The following OPCML variants were observed in gnomAD, a reference collection of about 807,000 sequenced individuals.
OPCML encodes the protein opioid-binding protein/cell adhesion molecule.
Under a neutral mutation model 37.8 loss-of-function variants are expected in OPCML, and 13 were observed. The observed-to-expected ratio is 0.34, with a 90% CI of 0.22 to 0.55. The LOEUF (loss-of-function observed/expected upper bound fraction) is 0.55, where lower values mean the gene tolerates loss of function less well. Ranked by LOEUF, OPCML falls within the 20% of genes least tolerant of loss-of-function variation. OPCML has a pLI of 0.91. For synonymous variants in OPCML, 176 were observed against 168.8 expected, an observed-to-expected ratio of 1.04 and a Z score of -0.33; for missense variants, 341 against 435.6, an observed-to-expected ratio of 0.78 and a Z score of 1.93.
At chr11:133,387,257 G>C (rs1454870541) in intron 1 of OPCML, among the ~76,000 whole-genome samples, 1 of 152,142 alleles carries the variant, frequency 6.6e-6, no homozygotes, top group Non-Finnish European at 1.5e-5. Flanking sequence ...CAATTAACCG[G>C]TAAGTGGTCC....
At chr11:133,406,961 G>A (rs1945540394) in intron 1 of OPCML, among the ~76,000 whole-genome samples, 1 of 152,182 alleles carries the variant, frequency 6.6e-6, no homozygotes, top group South Asian at 2.1e-4. Context: ...AAGACAACCT[G>A]GAAAGTCTGG....
chr11:133,311,455 T>A (rs1226016975), intron 1 of OPCML, among the ~76,000 whole-genome samples: 2 of 152,094 alleles, frequency 1.3e-5, no homozygotes, highest in East Asian at 3.9e-4. Flanking sequence ...AGTGGTGAGG[T>A]CTTAGGATTC....
Position 132,715,663 on chromosome 11 carries a change from C to T in OPCML, c.147-58344G>A, listed in dbSNP as rs1944444555. 5.3e-5 allele frequency among the ~76,000 whole-genome samples: 8 copies of T among 152,220 alleles called. No homozygotes were observed. In the South Asian group the frequency reaches 1.7e-3, roughly 32 times the overall value. On this transcript the variant is annotated intron_variant, in intron 2 of 7. Transcript: ENST00000524381. ...GAGGTTACAATGAGAAGATGGCCGT[C>T]TGCAACCTGGAAGGGTGTCCTCAAG...
At chr11:133,075,761 T>A (rs1000178978) in intron 1 of OPCML, among the ~76,000 whole-genome samples, 1 of 152,210 alleles carries the variant, frequency 6.6e-6, no homozygotes. Flanking sequence ...CTTGGGGAGC[T>A]GCACACAGAG....
At chr11:133,277,352 A>T (rs1942022880) in intron 1 of OPCML, among the ~76,000 whole-genome samples, 1 of 152,220 alleles carries the variant, frequency 6.6e-6, no homozygotes, top group South Asian at 2.1e-4. Flanking sequence ...TGAGAGTCAA[A>T]CATTTTATAG....
intron 1 of OPCML, among the ~76,000 whole-genome samples, chr11:133,162,738 T>C (rs78642308): frequency 6.7e-5 from 10 of 149,432 alleles, no homozygotes; most frequent in South Asian, 2.1e-4. Flanking sequence ...GAGGCTAGCG[T>C]GTTTCCCCTT....
intron 2 of OPCML, among the ~76,000 whole-genome samples, chr11:132,701,793 T>TG (rs1405459125): frequency 6.9e-5 from 8 of 116,018 alleles, no homozygotes; most frequent in South Asian, 2.6e-4. Context: ...TGTGTGTGTG[T>TG]GTGGTGGTGG....
chr11:133,286,099 C>T (rs1333622228), intron 1 of OPCML, among the ~76,000 whole-genome samples: 1 of 152,160 alleles, frequency 6.6e-6, no homozygotes, highest in Non-Finnish European at 1.5e-5. Context: ...GAACCAGCCT[C>T]CTTCTGCCCC....
rs548864097 is a variant in OPCML at position 132,862,678 on chromosome 11, C to T, written c.146+80248G>A. Among the ~76,000 whole-genome samples, 8 of 152,228 alleles carry T rather than the reference C, an allele frequency of 5.3e-5. No individual in the cohort carries two copies. The East Asian group carries it at 1.4e-3, about 26-fold the overall frequency. ...CTGGGGAGATATTTCGGACGTGGCA[C>T]TACTGTCACTTCAAAGCATGCTAAT... On this transcript the variant is annotated intron_variant, in intron 2 of 7. Coordinates refer to ENST00000524381, the MANE Select transcript of OPCML (RefSeq NM_001012393.5).
At chr11:132,458,682 T>A (rs1032125163) in intron 4 of OPCML, among the ~76,000 whole-genome samples, 2 of 152,188 alleles carry the variant, frequency 1.3e-5, no homozygotes, top group Non-Finnish European at 2.9e-5. Context: ...CCCATTACAT[T>A]TTAACGTAAG....
intron 4 of OPCML, among the ~76,000 whole-genome samples, chr11:132,439,108 C>T (rs2096023121): frequency 1.3e-5 from 2 of 152,172 alleles, no homozygotes; most frequent in Admixed American, 1.3e-4. Flanking sequence ...CCTGGCTACC[C>T]TCCTCAAACC....
intron 1 of OPCML, among the ~76,000 whole-genome samples, chr11:133,319,990 T>C (rs1428158520): frequency 2.0e-5 from 3 of 152,228 alleles, no homozygotes; most frequent in Non-Finnish European, 1.5e-5. Context: ...AGGAAATGCA[T>C]TGTAGAAACT....
At chr11:132,463,333 G>A (rs569297192) in intron 4 of OPCML, among the ~76,000 whole-genome samples, 19 of 152,158 alleles carry the variant, frequency 1.2e-4, no homozygotes, top group Non-Finnish European at 2.8e-4. Context: ...TCAGATGAAA[G>A]GGCTGAGTTC....
At chr11:133,333,101 C>T (rs575305532) in intron 1 of OPCML, among the ~76,000 whole-genome samples, 20 of 152,046 alleles carry the variant, frequency 1.3e-4, no homozygotes, top group African/African-American at 3.9e-4. Context: ...TTTTGTTACC[C>T]GGGTTGGAGT....
At chr11:133,314,220 G>A (rs763943393) in intron 1 of OPCML, among the ~76,000 whole-genome samples, 135 of 107,022 alleles carry the variant, frequency 1.3e-3, no homozygotes, top group African/African-American at 4.5e-3. Flanking sequence ...GGGCTACAGC[G>A]AGACTCCGTC....
intron 1 of OPCML, chr11:133,008,559 C>A (rs1025581790): frequency 2.1e-6 from 1 of 474,276 alleles, no homozygotes; most frequent in African/African-American, 2.1e-5. Flanking sequence ...CTGGGAACTG[C>A]CCTCAGTGGA....
intron 1 of OPCML, among the ~76,000 whole-genome samples, chr11:133,335,064 C>T (rs1321026035): frequency 6.6e-6 from 1 of 152,190 alleles, no homozygotes; most frequent in Non-Finnish European, 1.5e-5. Context: ...CTGTCCCATG[C>T]CTGTGTTTAG....
In OPCML at chr11:133,468,724, G is replaced by A. The variant is rs372902247; in HGVS notation, c.61+63540C>T. Among the ~76,000 whole-genome samples the A allele has an allele frequency of 2.5e-4, 38 of 152,260 alleles. No individual in the cohort carries two copies. In the East Asian group the frequency reaches 4.7e-3, roughly 19 times the overall value. ...GAGAGAAAAAGGCTTTTTGACAAGC[G>A]TTCAAGAGCTCACTTCACAAACACT... On this transcript the variant is annotated intron_variant, in intron 1 of 7. Coordinates refer to ENST00000524381, the MANE Select transcript of OPCML (RefSeq NM_001012393.5).
At chr11:132,993,191 C>T (rs912303079) in intron 1 of OPCML, among the ~76,000 whole-genome samples, 1 of 152,166 alleles carries the variant, frequency 6.6e-6, no homozygotes, top group Non-Finnish European at 1.5e-5. Context: ...TGTCTATGTA[C>T]GTAGGTATCT....
Sources: allele counts gnomAD v4.1 joint callset (sites outside exome capture counted in the v4.1 genomes callset), GRCh38; gene constraint gnomAD v4.1.1; transcripts MANE v1.5; gene names NCBI Gene and HGNC (gene_info 2026-07-23, HGNC 2026-07-21).